Variants in CDYL2 observed in about 807,000 individuals in gnomAD.
The protein encoded by CDYL2 is chromodomain Y-like protein 2.
Under a neutral mutation model 49.4 loss-of-function variants are expected in CDYL2, and 23 were observed. The ratio of observed to expected loss-of-function variants is 0.47; its 90% confidence interval spans 0.34 to 0.66. CDYL2 has a LOEUF of 0.66. Ranked by LOEUF, CDYL2 falls within the 30% of genes least tolerant of loss-of-function variation. The pLI is 0.01. For missense variants in CDYL2, 678 were observed against 656.4 expected (o/e 1.03, Z -0.36); for synonymous variants, 360 against 268.8 (o/e 1.34, Z -3.32).
chr16:80,709,381 CAAAA>C (rs11412766), intron 1 of CDYL2, among the ~76,000 whole-genome samples: 1 of 93,996 alleles, frequency 1.1e-5, no homozygotes, highest in Non-Finnish European at 2.6e-5. Flanking sequence ...GACTCCATTT[CAAAA>C]AAAAAAAAAA....
At chr16:80,707,479 A>G (rs1341445481) in intron 1 of CDYL2, among the ~76,000 whole-genome samples, 1 of 152,084 alleles carries the variant, frequency 6.6e-6, no homozygotes, top group Non-Finnish European at 1.5e-5. Flanking sequence ...GAAAAGAAGA[A>G]AGTATAAATG....
At chr16:80,608,948 T>G (rs1297956187) in intron 5 of CDYL2, among the ~76,000 whole-genome samples, 1 of 152,102 alleles carries the variant, frequency 6.6e-6, no homozygotes, top group Non-Finnish European at 1.5e-5. Flanking sequence ...TTAAAGCACT[T>G]CCATCACTGG....
rs1393814167 is a variant in CDYL2 at position 80,604,269 on chromosome 16, AC to A, written c.*118del. 2 of 1,117,322 alleles carry A rather than the reference AC, an allele frequency of 1.8e-6. No homozygotes were observed. Among genetic ancestry groups the A allele is most frequent in the Admixed American group, 4.1e-5 (2 of 48,270 alleles). The allele number at this position is 1,117,322 out of a possible 1,614,324, so 69.2% of individuals were successfully genotyped here. ...GCAACCAAAGGACACGAGGAAATGG[AC>A]ACAACCCTACGTATAAAGAGACACC... On this transcript the variant is annotated 3_prime_UTR_variant, in exon 7 of 7. Transcript: ENST00000570137.
intron 1 of CDYL2, among the ~76,000 whole-genome samples, chr16:80,725,733 T>G (rs1905143068): frequency 6.6e-6 from 1 of 152,248 alleles, no homozygotes; most frequent in Non-Finnish European, 1.5e-5. Context: ...ATTTTGCTCC[T>G]GAAAGCCAGC....
At chr16:80,609,649 C>T (rs1029331073) in intron 5 of CDYL2, among the ~76,000 whole-genome samples, 12 of 152,134 alleles carry the variant, frequency 7.9e-5, no homozygotes, top group Admixed American at 7.9e-4. Flanking sequence ...GGATTCAGAT[C>T]CACTGGAAGC....
chr16:80,777,102 G>T (rs146175915), intron 1 of CDYL2, among the ~76,000 whole-genome samples: 3,892 of 152,110 alleles, frequency 0.026, 71 homozygotes, highest in Non-Finnish European at 0.039. Flanking sequence ...GATTACAGGC[G>T]TGAGTCACCG....
chr16:80,613,783 T>C (rs1211014086), intron 4 of CDYL2, among the ~76,000 whole-genome samples: 1 of 152,236 alleles, frequency 6.6e-6, no homozygotes. Flanking sequence ...TCTAGTAAAG[T>C]CTGCATCCTT....
Position 80,598,844 on chromosome 16 carries a change from C to G in CDYL2, c.*5544G>C, listed in dbSNP as rs1206211949. 1 of 152,118 alleles carries G rather than the reference C, an allele frequency of 6.6e-6. No homozygotes were observed. The highest frequency in any genetic ancestry group is 2.4e-5 in the African/African-American group (1 of 41,414). The allele number at this position is 152,118 out of a possible 1,614,324, so 9.4% of individuals were successfully genotyped here. A position where few individuals can be genotyped will look rare whatever the true frequency, so the allele number is the denominator to read the frequency against. ...GTTTCTCTGCACCATCAAGCATGCA[C>G]ATATCTGTCTAGATGTGCCCACAAT... On this transcript the variant is annotated 3_prime_UTR_variant, in exon 7 of 7. Coordinates refer to ENST00000570137, the MANE Select transcript of CDYL2 (RefSeq NM_152342.4).
rs112251358 is a variant in CDYL2 at position 80,675,103 on chromosome 16, G to T, written c.616+9435C>A. ...CCAAGTCAGCATCTCTGATACTACT[G>T]AAGATGCCTCAAAGGCAGGCCCAGG... On this transcript the variant is annotated intron_variant, in intron 2 of 6. Transcript: ENST00000570137. 6.7e-4 allele frequency among the ~76,000 whole-genome samples: 102 copies of T among 152,354 alleles called. 2 individuals carry two copies. The highest frequency in any genetic ancestry group is 2.4e-3 in the African/African-American group (99 of 41,584).
chr16:80,598,399 A>G lies in CDYL2; in HGVS notation c.*5989T>C, dbSNP rs910065616. ...CTTACCAATAGAATACCACTTCTTCAGCATCAATCATTTCTCAACTGGTCA... is the reference window on the plus strand; with the variant it reads ...CTTACCAATAGAATACCACTTCTTCGGCATCAATCATTTCTCAACTGGTCA... On this transcript the variant is annotated 3_prime_UTR_variant, in exon 7 of 7. Coordinates refer to ENST00000570137, the MANE Select transcript of CDYL2 (RefSeq NM_152342.4). 3.3e-5 allele frequency: 5 copies of G among 152,304 alleles called. No individual in the cohort carries two copies. Among genetic ancestry groups the G allele is most frequent in the Admixed American group, 1.3e-4 (2 of 15,296 alleles). The allele number at this position is 152,304 out of a possible 1,614,324, so 9.4% of individuals were successfully genotyped here.
At chr16:80,735,228 G>C (rs768131008) in intron 1 of CDYL2, 13 of 152,178 alleles carry the variant, frequency 8.5e-5, no homozygotes, top group Non-Finnish European at 1.8e-4. Flanking sequence ...ACCAAGAATA[G>C]ATCATGCCCA....
chr16:80,680,746 T>C (rs990805430), intron 2 of CDYL2, among the ~76,000 whole-genome samples: 1 of 152,184 alleles, frequency 6.6e-6, no homozygotes, highest in Non-Finnish European at 1.5e-5. Flanking sequence ...TACCAACAGA[T>C]GGATCTATGA....
chr16:80,701,515 T>C (rs1904300834), intron 1 of CDYL2, among the ~76,000 whole-genome samples: 1 of 152,164 alleles, frequency 6.6e-6, no homozygotes, highest in Non-Finnish European at 1.5e-5. Context: ...AACTGGAACA[T>C]ATCATGGGGA....
In CDYL2 at chr16:80,608,167, C is replaced by G. The variant is rs777352705; in HGVS notation, c.1287G>C (p.Ser429=). 6.2e-7 allele frequency: 1 copy of G among 1,604,342 alleles called. No individual in the cohort carries two copies. Among genetic ancestry groups the G allele is most frequent in the Non-Finnish European group, 8.5e-7 (1 of 1,175,634 alleles). The part of the protein sequence containing the change: ...AQEACSRGLV[S]QVFWPTTFSQ... ...TGAACGTGGTGGGCCAGAAGACCTGCGACACCAGCCCCCTGCTGCAGGCCT... is the reference window on the plus strand; with the variant it reads ...TGAACGTGGTGGGCCAGAAGACCTGGGACACCAGCCCCCTGCTGCAGGCCT... The change falls in exon 6 of 7, where the codon TCG becomes TCC. Residue 429 remains serine (S), a synonymous_variant. Transcript: ENST00000570137.
chr16:80,664,446 C>T (rs1909176634), intron 2 of CDYL2, among the ~76,000 whole-genome samples: 1 of 152,184 alleles, frequency 6.6e-6, no homozygotes, highest in African/African-American at 2.4e-5. Flanking sequence ...AGTTCGCATG[C>T]TCAGCTTTGC....
chr16:80,664,441 G>A (rs527967964), intron 2 of CDYL2, among the ~76,000 whole-genome samples: 1 of 152,262 alleles, frequency 6.6e-6, no homozygotes, highest in African/African-American at 2.4e-5. Context: ...TCCTGAGTTC[G>A]CATGCTCAGC....
intron 2 of CDYL2, among the ~76,000 whole-genome samples, chr16:80,679,553 G>A (rs964815636): frequency 6.6e-5 from 10 of 152,160 alleles, no homozygotes; most frequent in African/African-American, 2.2e-4. Context: ...TACCTCTCAC[G>A]ACTGCCATGA....
At chr16:80,738,836 G>C (rs1317686443) in intron 1 of CDYL2, 1 of 152,294 alleles carries the variant, frequency 6.6e-6, no homozygotes, top group Admixed American at 6.5e-5. Context: ...CCAAGCTTCA[G>C]TTTCCTCATC....
At chr16:80,709,136 CA>C (rs1336080176) in intron 1 of CDYL2, among the ~76,000 whole-genome samples, 1 of 152,150 alleles carries the variant, frequency 6.6e-6, no homozygotes, top group Non-Finnish European at 1.5e-5. Context: ...ATAATCCCAG[CA>C]CTTTGGGAGG....
Sources: allele counts gnomAD v4.1 joint callset (sites outside exome capture counted in the v4.1 genomes callset), GRCh38; gene constraint gnomAD v4.1.1; transcripts MANE v1.5; gene names NCBI Gene and HGNC (gene_info 2026-07-23, HGNC 2026-07-21).